Variants in HORMAD2 observed in about 807,000 individuals in gnomAD.
HORMAD2 encodes HORMA domain-containing protein 2.
In HORMAD2, 45 loss-of-function variants were observed where a neutral mutation model predicts 38.8. The observed-to-expected ratio is 1.16, with a 90% CI of 0.91 to 1.49. The LOEUF (loss-of-function observed/expected upper bound fraction) is 1.49, where lower values mean the gene tolerates loss of function less well. Among genes scored for constraint, HORMAD2 ranks in the 40% most tolerant of loss-of-function variants. The pLI is 0.00. For missense variants in HORMAD2, 338 were observed against 367.0 expected, an observed-to-expected ratio of 0.92 and a Z score of 0.65; for synonymous variants, 126 against 122.8, an observed-to-expected ratio of 1.03 and a Z score of -0.17.
At chr22:30,127,996 AGTTG>A (rs1923003633) in intron 10 of HORMAD2, among the ~76,000 whole-genome samples, 1 of 152,188 alleles carries the variant, frequency 6.6e-6, no homozygotes, top group South Asian at 2.1e-4. Flanking sequence ...TCTTGGTGAT[AGTTG>A]AGTCTTCTAA....
At chr22:30,106,465 C>G (rs893874263) in intron 5 of HORMAD2, among the ~76,000 whole-genome samples, 4 of 151,968 alleles carry the variant, frequency 2.6e-5, no homozygotes, top group Admixed American at 2.6e-4. Context: ...GGCACTATAC[C>G]CTGTGAGAAA....
the HORMAD2 span, among the ~76,000 whole-genome samples, chr22:30,185,990 C>T: frequency 6.7e-6 from 1 of 148,176 alleles, no homozygotes; most frequent in Non-Finnish European, 1.5e-5. Context: ...AAAAAAACAA[C>T]CTTGTGTGTT....
At chr22:30,191,917 C>T in the HORMAD2 span, among the ~76,000 whole-genome samples, 1 of 151,846 alleles carries the variant, frequency 6.6e-6, no homozygotes, top group African/African-American at 2.4e-5. Context: ...ATTGGTTTCC[C>T]ATCATGTAAA....
At chr22:30,193,015 A>C in the HORMAD2 span, among the ~76,000 whole-genome samples, 1 of 152,262 alleles carries the variant, frequency 6.6e-6, no homozygotes, top group Non-Finnish European at 1.5e-5. Context: ...AGAGATAAAT[A>C]AATGTATTCA....
At chr22:30,086,895 A>G (rs1348146911) in intron 1 of HORMAD2, among the ~76,000 whole-genome samples, 1 of 152,208 alleles carries the variant, frequency 6.6e-6, no homozygotes, top group African/African-American at 2.4e-5. Context: ...ACTGGGTTCA[A>G]GCGATTCTCC....
intron 5 of HORMAD2, among the ~76,000 whole-genome samples, chr22:30,109,028 C>T (rs1849046296): frequency 6.9e-6 from 1 of 145,976 alleles, no homozygotes; most frequent in Admixed American, 7.1e-5. Flanking sequence ...TCCTTCCTTC[C>T]TTTCTTCTTT....
chr22:30,163,371 G>T (rs1925572735), intron 10 of HORMAD2, among the ~76,000 whole-genome samples: 1 of 152,110 alleles, frequency 6.6e-6, no homozygotes, highest in Non-Finnish European at 1.5e-5. Flanking sequence ...CCTCAGAAAA[G>T]ATGCTTATTT....
At chr22:30,111,727 C>G in intron 5 of HORMAD2, 69 bp from the exon 6 acceptor site, 1 of 1,204,302 alleles carries the variant, frequency 8.3e-7, no homozygotes, top group Non-Finnish European at 1.2e-6. Context: ...TTTAATTAGT[C>G]TATTGAAAAG....
intron 3 of HORMAD2, among the ~76,000 whole-genome samples, chr22:30,101,327 A>G (rs896678960): frequency 1.3e-5 from 2 of 152,050 alleles, no homozygotes; most frequent in African/African-American, 4.8e-5. Flanking sequence ...GCAAACTAAC[A>G]CAGGAACAGA....
At chr22:30,182,410 G>T in the HORMAD2 span, among the ~76,000 whole-genome samples, 1 of 152,210 alleles carries the variant, frequency 6.6e-6, no homozygotes, top group Non-Finnish European at 1.5e-5. Context: ...GTCCTTTGTA[G>T]CATAATTGAC....
At chr22:30,170,182 G>A (rs1926022424) in intron 10 of HORMAD2, among the ~76,000 whole-genome samples, 1 of 152,062 alleles carries the variant, frequency 6.6e-6, no homozygotes, top group South Asian at 2.1e-4. Context: ...AATTTATACT[G>A]GTGAGGACTG....
intron 1 of HORMAD2, among the ~76,000 whole-genome samples, chr22:30,085,476 G>C (rs982608581): frequency 6.6e-6 from 1 of 152,080 alleles, no homozygotes; most frequent in African/African-American, 2.4e-5. Context: ...TTTAAAGGCT[G>C]GGTGCAGTGG....
At chr22:30,124,939 G>A (rs1601545414) in intron 10 of HORMAD2, among the ~76,000 whole-genome samples, 1 of 152,072 alleles carries the variant, frequency 6.6e-6, no homozygotes, top group Admixed American at 6.6e-5. Flanking sequence ...CAGGGTTTAT[G>A]TTTCCTGCCA....
At chr22:30,189,388 A>C in the HORMAD2 span, among the ~76,000 whole-genome samples, 5 of 152,162 alleles carry the variant, frequency 3.3e-5, no homozygotes, top group African/African-American at 4.8e-5. Flanking sequence ...TCTCCAGAGA[A>C]GGCTTTAGTA....
intron 1 of HORMAD2, among the ~76,000 whole-genome samples, chr22:30,081,556 C>G (rs1199018847): frequency 1.3e-5 from 2 of 151,558 alleles, no homozygotes; most frequent in African/African-American, 4.8e-5. Flanking sequence ...AGTTCCCTTG[C>G]TTAGCCTCAC....
At chr22:30,133,647 A>C (rs1303864450) in intron 10 of HORMAD2, among the ~76,000 whole-genome samples, 2 of 151,692 alleles carry the variant, frequency 1.3e-5, no homozygotes, top group East Asian at 3.9e-4. Flanking sequence ...AAAAACAAAA[A>C]ACAAAAAAAA....
At chr22:30,089,242 A>G (rs2068638040) in intron 1 of HORMAD2, among the ~76,000 whole-genome samples, 1 of 152,248 alleles carries the variant, frequency 6.6e-6, no homozygotes, top group African/African-American at 2.4e-5. Context: ...GAATATCTTT[A>G]AAGAAGTTAT....
the HORMAD2 span, chr22:30,184,664 C>A: frequency 6.6e-6 from 1 of 152,042 alleles, no homozygotes; most frequent in Non-Finnish European, 1.5e-5. Context: ...GGTGGTAGAA[C>A]GATCTATTCT....
chr22:30,078,360 C>T (rs2146039126), upstream of HORMAD2, among the ~76,000 whole-genome samples: 1 of 152,090 alleles, frequency 6.6e-6, no homozygotes, highest in South Asian at 2.1e-4. Context: ...AATCCTAGCA[C>T]TTTGGGAGGC....
Sources: allele counts gnomAD v4.1 joint callset (sites outside exome capture counted in the v4.1 genomes callset), GRCh38; gene constraint gnomAD v4.1.1; transcripts MANE v1.5; gene names NCBI Gene and HGNC (gene_info 2026-07-23, HGNC 2026-07-21).